ROCK2: variants seen among roughly 807,000 people sequenced by gnomAD.
ROCK2 encodes rho-associated protein kinase 2.
ROCK2 carries 61 observed loss-of-function variants against 195.1 expected under a neutral mutation model. That is an observed-to-expected ratio of 0.31 (90% CI 0.25 to 0.39). The LOEUF (loss-of-function observed/expected upper bound fraction) is 0.39. Among genes scored for constraint, ROCK2 ranks in the 10% least tolerant of loss-of-function variants. The pLI is 1.00. For missense variants in ROCK2, 1,109 were observed against 1,637.4 expected (o/e 0.68, Z 5.57); for synonymous variants, 504 against 545.5 (o/e 0.92, Z 1.06).
chr2:11,312,294 A>T (rs72789528), intron 1 of ROCK2, among the ~76,000 whole-genome samples: 6,463 of 152,224 alleles, frequency 0.042, 278 homozygotes, highest in Non-Finnish European at 0.06. Flanking sequence ...ACTGACGTAC[A>T]ATAAAAGCAC....
In ROCK2 at chr2:11,208,445, T is replaced by C. The variant is rs757526335; in HGVS notation, c.2206A>G (p.Met736Val). ...EEAKSEAMKEMEKKLLEERTL... is the reference protein window; with the variant it reads ...EEAKSEAMKEVEKKLLEERTL... Reference sequence around the variant, plus strand: ...CTTTCCTCCAAGAGCTTCTTCTCCATTTCTAGTATAATAAAAATGGACACA... The same window carrying C: ...CTTTCCTCCAAGAGCTTCTTCTCCACTTCTAGTATAATAAAAATGGACACA... The change falls in exon 19 of 33, where the codon ATG becomes GTG. Residue 736 changes from methionine to valine, a missense_variant and splice_region_variant. By Grantham distance (21) the Met-to-Val change is conservative. Around this residue, in one of 6 missense-constraint regions of ROCK2, gnomAD observed 542 missense variants for 672.0 expected, o/e 0.81. Transcript: ENST00000315872. 7 of 1,478,868 alleles carry C rather than the reference T, an allele frequency of 4.7e-6. No individual in the cohort carries two copies. In the Admixed American group the frequency reaches 1.2e-4, roughly 26 times the overall value. The allele number at this position is 1,478,868 out of a possible 1,614,324, so 91.6% of individuals were successfully genotyped here.
chr2:11,243,902 G>C (rs926185295), intron 4 of ROCK2, among the ~76,000 whole-genome samples: 4 of 152,190 alleles, frequency 2.6e-5, no homozygotes, highest in Non-Finnish European at 5.9e-5. Context: ...GGGATAGATA[G>C]GAACTCTATA....
intron 3 of ROCK2, among the ~76,000 whole-genome samples, chr2:11,270,988 T>C (rs1273682566): frequency 6.6e-6 from 1 of 150,622 alleles, no homozygotes; most frequent in East Asian, 2.0e-4. Flanking sequence ...CAATGTTTCC[T>C]ATAGTTTTAG....
At chr2:11,268,620 T>C (rs964984161) in intron 3 of ROCK2, among the ~76,000 whole-genome samples, 1 of 151,898 alleles carries the variant, frequency 6.6e-6, no homozygotes, top group African/African-American at 2.4e-5. Flanking sequence ...CACTGTCTCC[T>C]GGCCTCTGAA....
intron 1 of ROCK2, among the ~76,000 whole-genome samples, chr2:11,327,198 T>G (rs1668575550): frequency 6.6e-6 from 1 of 152,198 alleles, no homozygotes; most frequent in African/African-American, 2.4e-5. Context: ...CACTGAGGAT[T>G]CTGGCAAGAA....
chr2:11,241,868 G>A (rs528494714), intron 4 of ROCK2, among the ~76,000 whole-genome samples: 2 of 152,150 alleles, frequency 1.3e-5, no homozygotes, highest in Non-Finnish European at 2.9e-5. Context: ...ATGGTATTAG[G>A]AGAAGGGGCT....
chr2:11,218,180 C>A, intron 11 of ROCK2: 1 of 290,382 alleles, frequency 3.4e-6, no homozygotes, highest in East Asian at 5.7e-5. Flanking sequence ...TACTGCATTA[C>A]AATAATTTGA....
At chr2:11,317,600 ATATATATATATAT>A (rs1374400883) in intron 1 of ROCK2, among the ~76,000 whole-genome samples, 199 of 16,592 alleles carry the variant, frequency 0.012, 26 homozygotes, top group African/African-American at 0.034. Flanking sequence ...ATATATATAT[ATATATATATATAT>A]TTTTTTTTTT....
intron 4 of ROCK2, among the ~76,000 whole-genome samples, chr2:11,243,660 T>C (rs1242531688): frequency 6.6e-6 from 1 of 152,038 alleles, no homozygotes; most frequent in Non-Finnish European, 1.5e-5. Context: ...ACAGTATAAT[T>C]CATGTACTCC....
chr2:11,234,893 CAAAAT>C (rs776087434), intron 5 of ROCK2, among the ~76,000 whole-genome samples: 1 of 151,870 alleles, frequency 6.6e-6, no homozygotes, highest in Non-Finnish European at 1.5e-5. Flanking sequence ...TACCTTAACT[CAAAAT>C]AAACATTTGA....
intron 1 of ROCK2, among the ~76,000 whole-genome samples, chr2:11,294,810 C>T (rs1273554262): frequency 6.6e-6 from 1 of 151,984 alleles, no homozygotes; most frequent in East Asian, 1.9e-4. Context: ...CAGAGCCTTG[C>T]TCTGTTGCCC....
At chr2:11,335,146 C>G (rs959987829) in intron 1 of ROCK2, among the ~76,000 whole-genome samples, 5 of 146,444 alleles carry the variant, frequency 3.4e-5, no homozygotes, top group South Asian at 2.2e-4. Flanking sequence ...CACACACACA[C>G]ACAGACACAC....
At chr2:11,241,171 G>C (rs1047136165) in intron 4 of ROCK2, among the ~76,000 whole-genome samples, 1 of 152,138 alleles carries the variant, frequency 6.6e-6, no homozygotes, top group African/African-American at 2.4e-5. Context: ...CATCATGGAT[G>C]AATCTCAAAA....
intron 3 of ROCK2, among the ~76,000 whole-genome samples, chr2:11,262,681 G>A (rs1666274631): frequency 6.6e-6 from 1 of 152,084 alleles, no homozygotes; most frequent in Non-Finnish European, 1.5e-5. Context: ...TGATTGTGAA[G>A]CCTCCCCAGC....
intron 12 of ROCK2, among the ~76,000 whole-genome samples, chr2:11,216,624 C>T (rs957029237): frequency 7.9e-5 from 12 of 152,048 alleles, no homozygotes; most frequent in Non-Finnish European, 8.8e-5. Context: ...GACTGTCCCG[C>T]CTCAGCCTCC....
intron 1 of ROCK2, among the ~76,000 whole-genome samples, chr2:11,328,178 A>G (rs1318598420): frequency 6.6e-6 from 1 of 152,194 alleles, no homozygotes; most frequent in Non-Finnish European, 1.5e-5. Context: ...TAGATTGTAA[A>G]GATCCATCCA....
chr2:11,273,697 T>A (rs1043744258), intron 3 of ROCK2, among the ~76,000 whole-genome samples: 1 of 152,102 alleles, frequency 6.6e-6, no homozygotes, highest in Non-Finnish European at 1.5e-5. Flanking sequence ...CAAGTGCACA[T>A]GGGACATTTT....
chr2:11,235,842 T>C lies in ROCK2; in HGVS notation c.583A>G (p.Thr195Ala). 1.9e-6 allele frequency: 3 copies of C among 1,614,034 alleles called. No individual in the cohort carries two copies. The part of the protein sequence containing the change: ...DVPEKWAKFY[T>A]AEVVLALDAI... Reference sequence around the variant, plus strand: ...TCCAGAGCAAGAACAACTTCAGCAGTGTAAAATTTGGCCCATTTTTCAGGC... The same window carrying C: ...TCCAGAGCAAGAACAACTTCAGCAGCGTAAAATTTGGCCCATTTTTCAGGC... Residue 195 changes from threonine to alanine, a missense_variant, in exon 5 of 33, where the codon ACT becomes GCT. By Grantham distance (58) the Thr-to-Ala change is moderately conservative. Coordinates refer to ENST00000315872, the MANE Select transcript of ROCK2 (RefSeq NM_004850.5). This position sits in a 1 kb window ranked among gnomAD's most constrained non-coding sequence, Gnocchi z 4.2.
At chr2:11,284,935 C>A (rs749135759) in intron 3 of ROCK2, among the ~76,000 whole-genome samples, 2 of 152,164 alleles carry the variant, frequency 1.3e-5, no homozygotes, top group Non-Finnish European at 2.9e-5. Context: ...AATTATTCAA[C>A]GTGCTACCAT....
Sources: gnomAD v4.1 joint callset for allele counts (sites outside exome capture counted in the v4.1 genomes callset) on GRCh38, gnomAD v4.1.1 for gene constraint, gnomAD v4.1.1 regional missense constraint, Gnocchi (gnomAD v3.1) non-coding constraint, MANE v1.5 for transcripts, NCBI Gene and HGNC (gene_info 2026-07-23, HGNC 2026-07-21) for gene names.